BRINP3: variants seen among roughly 807,000 people sequenced by gnomAD.
BRINP3 encodes the protein BMP/retinoic acid inducible neural specific 3, also known as BMP/retinoic acid-inducible neural-specific protein 3.
A neutral mutation model predicts 71.0 loss-of-function variants in BRINP3; 19 were observed. The observed-to-expected ratio is 0.27, with a 90% CI of 0.19 to 0.39. The LOEUF (loss-of-function observed/expected upper bound fraction) is 0.39, where lower values mean the gene tolerates loss of function less well. Among genes scored for constraint, BRINP3 ranks in the 10% least tolerant of loss-of-function variants. The pLI is 1.00. For synonymous variants in BRINP3, 380 were observed against 337.7 expected, an observed-to-expected ratio of 1.13 and a Z score of -1.37; for missense variants, 959 against 940.8, an observed-to-expected ratio of 1.02 and a Z score of -0.25.
intron 2 of BRINP3, among the ~76,000 whole-genome samples, chr1:190,365,806 G>GTATATATATATATATATA (rs66540359): frequency 1.6e-5 from 2 of 127,876 alleles, no homozygotes; most frequent in African/African-American, 5.8e-5. Context: ...GAGAGCAAGT[G>GTATATATATATATATATA]TATATATATA....
chr1:190,396,610 T>A (rs771128083), intron 2 of BRINP3, among the ~76,000 whole-genome samples: 79 of 151,108 alleles, frequency 5.2e-4, no homozygotes, highest in Admixed American at 1.0e-3. Flanking sequence ...TGCATTCTGC[T>A]TTCAAGTATA....
intron 2 of BRINP3, among the ~76,000 whole-genome samples, chr1:190,288,047 TA>T (rs1424678227): frequency 4.6e-5 from 7 of 152,076 alleles, no homozygotes; most frequent in Non-Finnish European, 7.4e-5. Flanking sequence ...AAGCTTTCTG[TA>T]AAAACATACA....
intron 1 of BRINP3, among the ~76,000 whole-genome samples, chr1:190,459,597 A>T (rs1676246952): frequency 6.6e-6 from 1 of 152,018 alleles, no homozygotes; most frequent in African/African-American, 2.4e-5. Flanking sequence ...TCAGTATCTT[A>T]TTATCCACAA....
intron 2 of BRINP3, among the ~76,000 whole-genome samples, chr1:190,374,944 A>G (rs568525052): frequency 6.6e-6 from 1 of 152,146 alleles, no homozygotes; most frequent in South Asian, 2.1e-4. Context: ...ATTAGAACAA[A>G]CAATAATTTA....
intron 2 of BRINP3, among the ~76,000 whole-genome samples, chr1:190,402,866 G>A (rs1672021618): frequency 6.6e-6 from 1 of 152,116 alleles, no homozygotes; most frequent in African/African-American, 2.4e-5. Flanking sequence ...TGAGGAGCTA[G>A]GAGGCACAAG....
At chr1:190,183,093 C>T (rs1208135862) in intron 6 of BRINP3, among the ~76,000 whole-genome samples, 1 of 152,054 alleles carries the variant, frequency 6.6e-6, no homozygotes, top group African/African-American at 2.4e-5. Flanking sequence ...ATCAGTCTAA[C>T]TTGTCACATT....
intron 4 of BRINP3, among the ~76,000 whole-genome samples, chr1:190,259,874 CA>C (rs1447276400): frequency 6.6e-6 from 1 of 151,040 alleles, no homozygotes. Flanking sequence ...ACTTAAAATA[CA>C]AAAATTAGCC....
At chr1:190,443,755 G>T (rs1674999461) in intron 2 of BRINP3, among the ~76,000 whole-genome samples, 1 of 152,166 alleles carries the variant, frequency 6.6e-6, no homozygotes, top group African/African-American at 2.4e-5. Flanking sequence ...GGAAACATCT[G>T]ACAGCGACTT....
At chr1:190,132,088 T>C (rs376589631) in intron 7 of BRINP3, among the ~76,000 whole-genome samples, 1 of 152,064 alleles carries the variant, frequency 6.6e-6, no homozygotes, top group Non-Finnish European at 1.5e-5. Context: ...ATAAAATGTA[T>C]GGAATACTCA....
At chr1:190,415,990 G>A (rs1018464261) in intron 2 of BRINP3, among the ~76,000 whole-genome samples, 1 of 152,026 alleles carries the variant, frequency 6.6e-6, no homozygotes, top group African/African-American at 2.4e-5. Context: ...TTATTTTACA[G>A]GTTTTCTTCT....
intron 2 of BRINP3, among the ~76,000 whole-genome samples, chr1:190,392,076 T>A (rs2102309228): frequency 6.6e-6 from 1 of 151,496 alleles, no homozygotes; most frequent in South Asian, 2.1e-4. Context: ...AAAAATGATT[T>A]AATTGAAAGA....
chr1:190,447,641 A>G (rs914471073), intron 2 of BRINP3, among the ~76,000 whole-genome samples: 1 of 149,704 alleles, frequency 6.7e-6, no homozygotes, highest in Non-Finnish European at 1.5e-5. Context: ...TATACTACAT[A>G]TAGATTTGAT....
rs1418201389 is a variant in BRINP3 at position 190,321,713 on chromosome 1, CAAAGAA to C, written c.237-39969_237-39964del. 2.6e-5 allele frequency among the ~76,000 whole-genome samples: 4 copies of C among 151,976 alleles called. No homozygotes were observed. The East Asian group carries it at 5.8e-4, about 22-fold the overall frequency. Reference sequence around the variant, plus strand: ...CTTTGCTTTGGAAACATCATGATGGCAAAGAATCGCCTCAATGTATTTGTTTTTGAA... The same window carrying C: ...CTTTGCTTTGGAAACATCATGATGGCTCGCCTCAATGTATTTGTTTTTGAA... On this transcript the variant is annotated intron_variant, in intron 2 of 7. Coordinates refer to ENST00000367462, the MANE Select transcript of BRINP3 (RefSeq NM_199051.3).
At chr1:190,428,799 G>C (rs1433210670) in intron 2 of BRINP3, among the ~76,000 whole-genome samples, 3 of 151,824 alleles carry the variant, frequency 2.0e-5, no homozygotes, top group Admixed American at 2.0e-4. Flanking sequence ...ATGATTATGG[G>C]TCAACTAAAA....
At chr1:190,297,298 G>T (rs1204919319) in intron 2 of BRINP3, among the ~76,000 whole-genome samples, 2 of 151,942 alleles carry the variant, frequency 1.3e-5, no homozygotes. Flanking sequence ...AATAAACAGT[G>T]TTGAGAAAAC....
chr1:190,248,230 CA>C (rs1659794280), intron 4 of BRINP3, among the ~76,000 whole-genome samples: 1 of 151,412 alleles, frequency 6.6e-6, no homozygotes, highest in South Asian at 2.1e-4. Context: ...CTTTTAATGG[CA>C]AAAAAGTACT....
At chr1:190,369,366 A>G (rs1317167179) in intron 2 of BRINP3, among the ~76,000 whole-genome samples, 2 of 152,136 alleles carry the variant, frequency 1.3e-5, no homozygotes, top group Non-Finnish European at 2.9e-5. Flanking sequence ...TCTACTTAAC[A>G]TTCCAAATTT....
chr1:190,242,284 T>C (rs1047564945), intron 4 of BRINP3, among the ~76,000 whole-genome samples: 2 of 152,008 alleles, frequency 1.3e-5, no homozygotes, highest in African/African-American at 2.4e-5. Flanking sequence ...ATAAAAAATA[T>C]ATCAATGCAA....
intron 1 of BRINP3, among the ~76,000 whole-genome samples, chr1:190,467,515 C>A (rs1676840021): frequency 6.6e-6 from 1 of 151,444 alleles, no homozygotes; most frequent in South Asian, 2.1e-4. Flanking sequence ...TTAAAGAATG[C>A]CTCTTTAGAA....
Sources: gnomAD v4.1 joint callset for allele counts (sites outside exome capture counted in the v4.1 genomes callset) on GRCh38, gnomAD v4.1.1 for gene constraint, MANE v1.5 for transcripts, NCBI Gene and HGNC (gene_info 2026-07-23, HGNC 2026-07-21) for gene names.